The following PTPN13 variants were observed in gnomAD, a reference collection of about 807,000 sequenced individuals.
PTPN13 encodes the protein tyrosine-protein phosphatase non-receptor type 13.
PTPN13 carries 191 observed loss-of-function variants against 284.0 expected under a neutral mutation model. The ratio of observed to expected loss-of-function variants is 0.67; its 90% CI spans 0.60 to 0.76. The LOEUF (loss-of-function observed/expected upper bound fraction) is 0.76, where lower values mean the gene tolerates loss of function less well. Ranked by LOEUF, PTPN13 falls within the 30% of genes least tolerant of loss-of-function variation. The pLI, the probability that PTPN13 is intolerant of heterozygous loss-of-function variation, is 0.00. For missense variants in PTPN13, 2,797 were observed against 2,939.9 expected, an observed-to-expected ratio of 0.95 and a Z score of 1.12; for synonymous variants, 986 against 1,022.3, an observed-to-expected ratio of 0.96 and a Z score of 0.68.
At chr4:86,719,131 C>G (rs1270536302) in intron 9 of PTPN13, among the ~76,000 whole-genome samples, 1 of 152,186 alleles carries the variant, frequency 6.6e-6, no homozygotes, top group Non-Finnish European at 1.5e-5. Context: ...CTTCCTCCCA[C>G]TCTCCCCACT....
intron 36 of PTPN13, among the ~76,000 whole-genome samples, chr4:86,781,519 T>G (rs2149307558): frequency 6.6e-6 from 1 of 152,348 alleles, no homozygotes; most frequent in East Asian, 1.9e-4. Context: ...GATAGTCTTT[T>G]TGAAATCAGA....
rs191350762 is a variant in PTPN13 at position 86,753,321 on chromosome 4, A to G, written c.3223+256A>G. Among the ~76,000 whole-genome samples the G allele has an allele frequency of 2.0e-5, 3 of 152,230 alleles. No homozygotes were observed. The East Asian group carries it at 5.8e-4, about 29-fold the overall frequency. On this transcript the variant is annotated intron_variant, in intron 20 of 47. Coordinates refer to ENST00000411767, the MANE Select transcript of PTPN13 (RefSeq NM_080683.3). Reference sequence around the variant, plus strand: ...AAGATAATAGTTCAGGTGGGAGATAATTTCTATTAAAAAGAGTTTTAACTG... The same window carrying G: ...AAGATAATAGTTCAGGTGGGAGATAGTTTCTATTAAAAAGAGTTTTAACTG...
chr4:86,746,125 G>C (rs1736735034), intron 17 of PTPN13, among the ~76,000 whole-genome samples: 1 of 152,108 alleles, frequency 6.6e-6, no homozygotes, highest in Non-Finnish European at 1.5e-5. Context: ...CAATGTAAAT[G>C]GTCAGGAGAA....
At chr4:86,694,774 A>T (rs1730427784) in intron 6 of PTPN13, among the ~76,000 whole-genome samples, 1 of 152,144 alleles carries the variant, frequency 6.6e-6, no homozygotes, top group South Asian at 2.1e-4. Flanking sequence ...TAATCTAAAC[A>T]TTAACAGAAA....
intron 2 of PTPN13, among the ~76,000 whole-genome samples, chr4:86,642,109 T>C (rs2148761793): frequency 6.6e-6 from 1 of 152,308 alleles, no homozygotes; most frequent in East Asian, 1.9e-4. Flanking sequence ...TTTTTTTCTT[T>C]CTACAAGTCA....
intron 1 of PTPN13, among the ~76,000 whole-genome samples, chr4:86,613,256 G>C (rs1205803007): frequency 6.6e-6 from 1 of 152,206 alleles, no homozygotes; most frequent in Non-Finnish European, 1.5e-5. Flanking sequence ...CAAAATTCCA[G>C]ATTCCCATAA....
intron 35 of PTPN13, among the ~76,000 whole-genome samples, chr4:86,776,656 A>G (rs2149291446): frequency 6.6e-6 from 1 of 152,330 alleles, no homozygotes; most frequent in East Asian, 1.9e-4. Context: ...CAAACATCAC[A>G]GCTTATTAGC....
chr4:86,601,610 T>C (rs112234283), intron 1 of PTPN13, among the ~76,000 whole-genome samples: 1 of 152,146 alleles, frequency 6.6e-6, no homozygotes, highest in African/African-American at 2.4e-5. Context: ...CAAATTGAGC[T>C]CTGTTTTTAA....
In PTPN13 at chr4:86,765,453, AG is replaced by A. The variant is rs1326582718; in HGVS notation, c.4211del (p.Gly1404GlufsTer16). ...ATTTATGTGAAAGCTGTTATTCCCCAGGGAGCAGCAGAGTCTGATGGTAGAA... is the reference window on the plus strand; with the variant it reads ...ATTTATGTGAAAGCTGTTATTCCCCAGGAGCAGCAGAGTCTGATGGTAGAA... ...GGIYVKAVIP[Q>X]GAAESDGRIH... On this transcript the variant is annotated frameshift_variant, in exon 26 of 48. Transcript: ENST00000411767. LOFTEE classifies it high-confidence loss of function. 1.9e-6 allele frequency: 3 copies of A among 1,598,592 alleles called. No homozygotes were observed. The highest frequency in any genetic ancestry group is 2.6e-6 in the Non-Finnish European group (3 of 1,171,776).
chr4:86,724,631 A>G, intron 10 of PTPN13, among the ~76,000 whole-genome samples: 1 of 152,180 alleles, frequency 6.6e-6, no homozygotes, highest in Non-Finnish European at 1.5e-5. Context: ...GCTGGAGGTT[A>G]TATTTTTGAG....
intron 2 of PTPN13, among the ~76,000 whole-genome samples, chr4:86,637,417 G>A (rs1723156081): frequency 6.6e-6 from 1 of 151,704 alleles, no homozygotes; most frequent in Non-Finnish European, 1.5e-5. Flanking sequence ...GAACATTGAT[G>A]CAAAAATCCT....
chr4:86,648,587 C>A (rs898126225), intron 2 of PTPN13, among the ~76,000 whole-genome samples: 1 of 152,100 alleles, frequency 6.6e-6, no homozygotes. Context: ...CAAATAATAT[C>A]TGTTGTGTAT....
At chr4:86,803,676 G>A (rs1378570668) in intron 42 of PTPN13, 33 bp from the exon 43 acceptor site, 1 of 1,608,438 alleles carries the variant, frequency 6.2e-7, no homozygotes, top group African/African-American at 1.3e-5. Context: ...TGGTTCTGGA[G>A]GAACTGTTTT....
At chr4:86,680,399 ATC>A (rs755241371) in intron 3 of PTPN13, among the ~76,000 whole-genome samples, 13 of 125,830 alleles carry the variant, frequency 1.0e-4, no homozygotes, top group Admixed American at 2.4e-4. Context: ...CTATCTATCT[ATC>A]TCTATCTCTA....
chr4:86,805,687 T>C (rs1003967974), intron 44 of PTPN13, among the ~76,000 whole-genome samples: 2 of 152,234 alleles, frequency 1.3e-5, no homozygotes, highest in African/African-American at 4.8e-5. Context: ...AGGAACTGGC[T>C]TCTGGATGAG....
intron 1 of PTPN13, among the ~76,000 whole-genome samples, chr4:86,614,308 G>T (rs144819010): frequency 0.01 from 1,549 of 152,172 alleles, 9 homozygotes; most frequent in Non-Finnish European, 0.015. Flanking sequence ...TAGTTTAAAT[G>T]AATTGTTTTT....
chr4:86,745,145 T>A lies in PTPN13; in HGVS notation c.2650+17T>A. 1.3e-6 allele frequency: 2 copies of A among 1,593,662 alleles called. No homozygotes were observed. Among genetic ancestry groups the A allele is most frequent in the Non-Finnish European group, 1.7e-6 (2 of 1,171,242 alleles). On this transcript the variant is annotated intron_variant, in intron 17 of 47. Transcript: ENST00000411767. ...AAGATATTGGTAAGGAGAAGCAGACTATTTCAGATGACTCCTGGGAATATG... is the reference window on the plus strand; with the variant it reads ...AAGATATTGGTAAGGAGAAGCAGACAATTTCAGATGACTCCTGGGAATATG...
intron 23 of PTPN13, among the ~76,000 whole-genome samples, chr4:86,761,031 T>C (rs1025727215): frequency 6.6e-6 from 1 of 150,972 alleles, no homozygotes; most frequent in Non-Finnish European, 1.5e-5. Context: ...GCAAAACCTA[T>C]GAAATAAGAA....
chr4:86,618,459 T>G (rs189383542), intron 1 of PTPN13, among the ~76,000 whole-genome samples: 474 of 152,304 alleles, frequency 3.1e-3, no homozygotes, highest in African/African-American at 9.8e-3. Flanking sequence ...TCCTATTCTG[T>G]GAAGAAAGTC....
Sources: allele counts gnomAD v4.1 joint callset (sites outside exome capture counted in the v4.1 genomes callset), GRCh38; gene constraint gnomAD v4.1.1; transcripts MANE v1.5; gene names NCBI Gene and HGNC (gene_info 2026-07-23, HGNC 2026-07-21).